MGAT4C: variants seen among roughly 807,000 people sequenced by gnomAD.
MGAT4C encodes alpha-1,3-mannosyl-glycoprotein 4-beta-N-acetylglucosaminyltransferase C.
MGAT4C carries 19 observed loss-of-function variants against 40.1 expected under a neutral mutation model. The observed-to-expected ratio is 0.47, with a 90% CI of 0.33 to 0.70. The LOEUF is 0.70. MGAT4C is among the 30% of genes least tolerant of loss of function. The probability of loss-of-function intolerance (pLI) is 0.02; values close to 1 mark genes in which losing one functional copy is unlikely to be tolerated. For missense variants in MGAT4C, 491 were observed against 563.2 expected, an observed-to-expected ratio of 0.87 and a Z score of 1.30; for synonymous variants, 181 against 187.1, an observed-to-expected ratio of 0.97 and a Z score of 0.27.
At chr12:86,424,433 T>G (rs1956887547) in intron 3 of MGAT4C, among the ~76,000 whole-genome samples, 1 of 152,170 alleles carries the variant, frequency 6.6e-6, no homozygotes, top group Non-Finnish European at 1.5e-5. Flanking sequence ...TTTCTTTTGA[T>G]GTGAAAAAAT....
chr12:86,151,216 G>A (rs1277794102), intron 1 of MGAT4C, among the ~76,000 whole-genome samples: 1 of 152,082 alleles, frequency 6.6e-6, no homozygotes, highest in Non-Finnish European at 1.5e-5. Context: ...TCTTTGGAAT[G>A]TGCAGTTTGT....
chr12:86,554,519 C>T (rs1339269084), intron 2 of MGAT4C, among the ~76,000 whole-genome samples: 2 of 152,166 alleles, frequency 1.3e-5, no homozygotes, highest in East Asian at 3.8e-4. Flanking sequence ...TCTGTTTCCC[C>T]AAGATCCTTC....
intron 3 of MGAT4C, among the ~76,000 whole-genome samples, chr12:86,364,511 A>G (rs1226947265): frequency 2.6e-5 from 4 of 152,160 alleles, no homozygotes; most frequent in African/African-American, 7.2e-5. Context: ...ATTCTTCTGC[A>G]TATGGCTAGC....
intron 2 of MGAT4C, among the ~76,000 whole-genome samples, chr12:86,630,057 A>G (rs1454884091): frequency 3.3e-5 from 5 of 152,188 alleles, no homozygotes; most frequent in Non-Finnish European, 7.3e-5. Context: ...ACAATAAAAA[A>G]TGATAAAAGG....
intron 1 of MGAT4C, among the ~76,000 whole-genome samples, chr12:86,081,192 T>C (rs1007236971): frequency 6.6e-6 from 1 of 152,138 alleles, no homozygotes; most frequent in African/African-American, 2.4e-5. Context: ...AAAAGACACT[T>C]GAACAGTTCC....
chr12:86,045,739 T>A (rs1892343705), intron 2 of MGAT4C, among the ~76,000 whole-genome samples: 1 of 152,230 alleles, frequency 6.6e-6, no homozygotes, highest in Non-Finnish European at 1.5e-5. Context: ...GTATTTTGTT[T>A]ATTTCTTGTC....
At chr12:86,615,235 A>G (rs1011884622) in intron 2 of MGAT4C, among the ~76,000 whole-genome samples, 1 of 152,038 alleles carries the variant, frequency 6.6e-6, no homozygotes, top group Non-Finnish European at 1.5e-5. Flanking sequence ...TATCACTCAA[A>G]AAAATGACTG....
chr12:86,650,346 G>C (rs536593559), intron 2 of MGAT4C, among the ~76,000 whole-genome samples: 8 of 151,944 alleles, frequency 5.3e-5, no homozygotes, highest in African/African-American at 1.2e-4. Flanking sequence ...TATTATGCTA[G>C]AAACTCTGTT....
chr12:86,200,558 G>C (rs1161655578), intron 1 of MGAT4C, among the ~76,000 whole-genome samples: 1 of 152,066 alleles, frequency 6.6e-6, no homozygotes, highest in African/African-American at 2.4e-5. Context: ...TAGATAAAAG[G>C]CCATAGTCAT....
intron 2 of MGAT4C, among the ~76,000 whole-genome samples, chr12:86,590,577 G>T (rs1961289481): frequency 6.6e-6 from 1 of 151,748 alleles, no homozygotes; most frequent in African/African-American, 2.4e-5. Context: ...TATACATATG[G>T]CTCCCTATTT....
chr12:86,786,445 G>A (rs929553286), intron 1 of MGAT4C, among the ~76,000 whole-genome samples: 3 of 152,020 alleles, frequency 2.0e-5, no homozygotes, highest in Non-Finnish European at 4.4e-5. Context: ...GGTTTCAGAA[G>A]AAAGCAAGAA....
chr12:86,261,303 C>T (rs540979323), upstream of MGAT4C, among the ~76,000 whole-genome samples: 9 of 152,116 alleles, frequency 5.9e-5, no homozygotes, highest in East Asian at 1.5e-3. Flanking sequence ...TTATATAATG[C>T]CAGACATTGA....
chr12:86,476,387 T>C (rs1357339182), intron 2 of MGAT4C, among the ~76,000 whole-genome samples: 2 of 152,026 alleles, frequency 1.3e-5, no homozygotes, highest in African/African-American at 4.8e-5. Context: ...CACAATGAAA[T>C]ACCATCCCAT....
At chr12:86,418,857 A>T (rs1956769475) in intron 3 of MGAT4C, among the ~76,000 whole-genome samples, 1 of 152,128 alleles carries the variant, frequency 6.6e-6, no homozygotes, top group African/African-American at 2.4e-5. Context: ...AATTGAAAAA[A>T]GTTGATTGGA....
At chr12:86,405,078 C>A (rs555641058) in intron 3 of MGAT4C, among the ~76,000 whole-genome samples, 15 of 151,836 alleles carry the variant, frequency 9.9e-5, no homozygotes, top group Non-Finnish European at 2.2e-4. Flanking sequence ...ATGAAAGATT[C>A]CCCAGAATGC....
intron 1 of MGAT4C, among the ~76,000 whole-genome samples, chr12:86,100,877 T>C (rs1441282249): frequency 6.6e-6 from 1 of 151,592 alleles, no homozygotes; most frequent in Non-Finnish European, 1.5e-5. Flanking sequence ...AGGAAAAAGA[T>C]AGACTATATA....
At chr12:86,395,996 C>T (rs185988108) in intron 3 of MGAT4C, among the ~76,000 whole-genome samples, 28 of 152,144 alleles carry the variant, frequency 1.8e-4, no homozygotes, top group Non-Finnish European at 3.8e-4. Context: ...CTTATGTCCA[C>T]GATTTAAATG....
chr12:86,807,201 G>A (rs1413087289), intron 1 of MGAT4C, among the ~76,000 whole-genome samples: 1 of 151,936 alleles, frequency 6.6e-6, no homozygotes, highest in South Asian at 2.1e-4. Flanking sequence ...ATGGTGGTTT[G>A]CTGCACCTAT....
chr12:86,203,952 C>A (rs1301459051), intron 1 of MGAT4C, among the ~76,000 whole-genome samples: 1 of 122,314 alleles, frequency 8.2e-6, no homozygotes, highest in Admixed American at 8.8e-5. Flanking sequence ...AGCGAAACTT[C>A]GTCTCAAAAA....
Sources: allele counts gnomAD v4.1 joint callset (sites outside exome capture counted in the v4.1 genomes callset), GRCh38; gene constraint gnomAD v4.1.1; transcripts MANE v1.5; gene names NCBI Gene and HGNC (gene_info 2026-07-23, HGNC 2026-07-21).